Variants in IQGAP3 observed in about 807,000 individuals in gnomAD.
IQGAP3 encodes ras GTPase-activating-like protein IQGAP3.
A neutral mutation model predicts 208.2 loss-of-function variants in IQGAP3; 165 were observed. The observed-to-expected ratio is 0.79, with a 90% CI of 0.70 to 0.90. The LOEUF is 0.90. Ranked by LOEUF, IQGAP3 falls within the 40% of genes least tolerant of loss-of-function variation. The probability of loss-of-function intolerance (pLI) is 0.00; values close to 1 mark genes in which losing one functional copy is unlikely to be tolerated. For missense variants in IQGAP3, 1,811 were observed against 2,043.1 expected (o/e 0.89, Z 2.19); for synonymous variants, 703 against 803.6 (o/e 0.87, Z 2.12).
Position 156,566,009 on chromosome 1 carries a change from C to T in IQGAP3, c.360+18G>A. 6.3e-7 allele frequency: 1 copy of T among 1,595,742 alleles called. No individual in the cohort carries two copies. The highest frequency in any genetic ancestry group is 8.6e-7 in the Non-Finnish European group (1 of 1,163,328). On this transcript the variant is annotated intron_variant, in intron 4 of 37. Transcript: ENST00000361170. ...GTAAGGAGTAAAGATGAATACCAAT[C>T]TTCAGGCCCAGTATTACCGAAGGCA...
At chr1:156,563,736 C>T (rs773925558) in intron 6 of IQGAP3, 21 bp downstream of exon 6, 2 of 1,612,574 alleles carry the variant, frequency 1.2e-6, no homozygotes, top group African/African-American at 1.3e-5. Flanking sequence ...CTGTGGTGGT[C>T]AGGGAAGGAG....
chr1:156,539,573 T>C, intron 24 of IQGAP3, 36 bp from the exon 25 acceptor site: 1 of 1,608,108 alleles, frequency 6.2e-7, no homozygotes, highest in Non-Finnish European at 8.5e-7. Context: ...TGGCTGACCA[T>C]GCACTTCAAG....
At position 156,533,793 on chromosome 1, in the gene IQGAP3, G is replaced by A; in HGVS notation, c.3956C>T (p.Pro1319Leu). The A allele has an allele frequency of 1.2e-6, 2 of 1,613,668 alleles. No individual in the cohort carries two copies. The highest frequency in any genetic ancestry group is 1.7e-6 in the Non-Finnish European group (2 of 1,179,868). The change falls in exon 31 of 38, where the codon CCC becomes CTC. Residue 1319 changes from proline (P) to leucine (L), a missense_variant. By Grantham distance (98) the Pro-to-Leu change is moderately conservative. Transcript: ENST00000361170. Reference protein sequence around the residue: ...HELLEDLGELPTIPDLIGESI... With the variant: ...HELLEDLGELLTIPDLIGESI... ...CGTACCAATAAGGTCAGGGATGGTG[G>A]GCAGCTCCCCAAGATCCTCCAGGAG... is the stretch of plus-strand genomic sequence containing the variant.
chr1:156,556,411 C>T (rs1388777032), intron 12 of IQGAP3, 122 bp downstream of exon 12: 2 of 876,870 alleles, frequency 2.3e-6, no homozygotes, highest in Non-Finnish European at 3.6e-6. Flanking sequence ...TAGCTCTTTC[C>T]CCATCCTAAT....
At chr1:156,542,188 T>A (rs1675018643) in intron 22 of IQGAP3, among the ~76,000 whole-genome samples, 1 of 152,148 alleles carries the variant, frequency 6.6e-6, no homozygotes, top group South Asian at 2.1e-4. Flanking sequence ...GGGGAACAAA[T>A]CTTTTTTTAT....
chr1:156,534,002 C>T lies in IQGAP3; in HGVS notation c.3873+7G>A, dbSNP rs188738441. The T allele has an allele frequency of 8.7e-5, 140 of 1,613,574 alleles. No homozygotes were observed. The East Asian group carries it at 2.8e-3, about 33-fold the overall frequency. On this transcript the variant is annotated splice_region_variant and intron_variant, in intron 30 of 37. Transcript: ENST00000361170. ...CAGCCAACACCCTCCAGATCTCAGC[C>T]CCTCACCCTGTGCGTGTTGACCAGC...
chr1:156,527,446 C>T (rs1029392245), intron 37 of IQGAP3, among the ~76,000 whole-genome samples: 1 of 152,052 alleles, frequency 6.6e-6, no homozygotes, highest in Admixed American at 6.6e-5. Context: ...CCATTGCACT[C>T]CAGCCTGGGT....
intron 16 of IQGAP3, among the ~76,000 whole-genome samples, chr1:156,549,774 C>T (rs984105503): frequency 6.6e-6 from 1 of 152,120 alleles, no homozygotes; most frequent in Non-Finnish European, 1.5e-5. Flanking sequence ...ACAGGGAGAC[C>T]CCAGCCACTG....
chr1:156,563,450 T>C (rs939084521), intron 7 of IQGAP3, 103 bp downstream of exon 7: 7 of 1,321,936 alleles, frequency 5.3e-6, no homozygotes, highest in Admixed American at 2.3e-5. Context: ...GATGGCCCTA[T>C]CTGTGGATGA....
Position 156,538,689 on chromosome 1 carries a change from A to C in IQGAP3, c.3281+120T>G. ...AGCTGGTGTCATATTTGCATAGATC[A>C]GCATGCCCATTTATATGCCACCTTC... is the stretch of plus-strand genomic sequence containing the variant. On this transcript the variant is annotated intron_variant, in intron 26 of 37. Transcript: ENST00000361170. 9.5e-6 allele frequency: 7 copies of C among 739,506 alleles called. No individual in the cohort carries two copies. In the South Asian group the frequency reaches 9.8e-5, roughly 10 times the overall value. The allele number at this position is 739,506 out of a possible 1,614,324, so 45.8% of individuals were successfully genotyped here.
rs370116986 is a variant in IQGAP3 at position 156,539,052 on chromosome 1, T to C, written c.3057-19A>G. ...CTTTGACCTGTGGTTTAAGAGGTCA[T>C]TGAAACCAGTCTTCTGCCTCTGTGT... On this transcript the variant is annotated intron_variant, in intron 25 of 37. Transcript: ENST00000361170. 31 of 1,596,908 alleles carry C rather than the reference T, an allele frequency of 1.9e-5. No homozygotes were observed. Among genetic ancestry groups the C allele is most frequent in the Non-Finnish European group, 2.7e-5 (31 of 1,166,500 alleles).
rs1676172191 is a variant in IQGAP3 at position 156,561,937 on chromosome 1, C to A, written c.942G>T (p.Lys314Asn). Residue 314 changes from lysine (K) to asparagine (N), a missense_variant, in exon 10 of 38, where the codon AAG becomes AAT. By Grantham distance (94) the Lys-to-Asn change is moderately conservative (BLOSUM62 0). Coordinates refer to ENST00000361170, the MANE Select transcript of IQGAP3 (RefSeq NM_178229.5). ...LERQSPEALL[K>N]ALQDPALALR... ...GGGCCAGGGCAGGGTCTTGAAGGGCCTTGAGCAAGGCTTCAGGGCTCTGTC... is the reference window on the plus strand; with the variant it reads ...GGGCCAGGGCAGGGTCTTGAAGGGCATTGAGCAAGGCTTCAGGGCTCTGTC... 1 of 1,613,840 alleles carries A rather than the reference C, an allele frequency of 6.2e-7. No homozygotes were observed. Among genetic ancestry groups the A allele is most frequent in the African/African-American group, 1.3e-5 (1 of 74,850 alleles).
At chr1:156,572,067 C>T (rs1676668699) in intron 1 of IQGAP3, among the ~76,000 whole-genome samples, 2 of 152,182 alleles carry the variant, frequency 1.3e-5, no homozygotes, top group African/African-American at 4.8e-5. Flanking sequence ...GGTAATTTCA[C>T]CCCCTGTTTG....
In IQGAP3 at chr1:156,526,447, G is replaced by A; in HGVS notation, c.*39C>T. The A allele has an allele frequency of 7.9e-7, 1 of 1,273,282 alleles. No individual in the cohort carries two copies. Among genetic ancestry groups the A allele is most frequent in the Non-Finnish European group, 1.1e-6 (1 of 869,710 alleles). The allele number at this position is 1,273,282 out of a possible 1,614,324, so 78.9% of individuals were successfully genotyped here. On this transcript the variant is annotated 3_prime_UTR_variant, in exon 38 of 38. Transcript: ENST00000361170. ...GAGTTAGTGTTAAAGAAAGCATCCAGAGAGGTAAGAGGGGCTTGGGTAGCA... is the reference window on the plus strand; with the variant it reads ...GAGTTAGTGTTAAAGAAAGCATCCAAAGAGGTAAGAGGGGCTTGGGTAGCA...
chr1:156,566,687 C>T lies in IQGAP3; in HGVS notation c.126-141G>A, dbSNP rs1044459836. The T allele has an allele frequency of 8.9e-6, 7 of 789,244 alleles. No homozygotes were observed. In the South Asian group the frequency reaches 1.2e-4, roughly 14 times the overall value. The allele number at this position is 789,244 out of a possible 1,614,324, so 48.9% of individuals were successfully genotyped here. On this transcript the variant is annotated intron_variant, in intron 2 of 37. Coordinates refer to ENST00000361170, the MANE Select transcript of IQGAP3 (RefSeq NM_178229.5). Reference sequence around the variant, plus strand: ...CTGTTCCTGCTCTACCTCCAACTCCCTTCTCTGCCCATTGCCTGGCTGTTC... The same window carrying T: ...CTGTTCCTGCTCTACCTCCAACTCCTTTCTCTGCCCATTGCCTGGCTGTTC...
At chr1:156,572,344 G>T in intron 1 of IQGAP3, 149 bp downstream of exon 1, 1 of 845,306 alleles carries the variant, frequency 1.2e-6, no homozygotes, top group Non-Finnish European at 2.0e-6. Flanking sequence ...ACGGCGCCCG[G>T]GCTGAGGATT....
chr1:156,527,997 G>A lies in IQGAP3; in HGVS notation c.4737C>T (p.Ala1579=). The change falls in exon 37 of 38, where the codon GCC becomes GCT. Residue 1579 remains alanine (A), a synonymous_variant. Transcript: ENST00000361170. ...GCTCCATGTCCACACCCAGGAACTT[G>A]GCATTTACTTCAAACTTTCCTGCCT... ...GDEAGKFEVN[A]KFLGVDMERF... 1 of 1,614,086 alleles carries A rather than the reference G, an allele frequency of 6.2e-7. No homozygotes were observed. Among genetic ancestry groups the A allele is most frequent in the Non-Finnish European group, 8.5e-7 (1 of 1,179,954 alleles).
chr1:156,552,104 G>A lies in IQGAP3; in HGVS notation c.1449-9C>T, dbSNP rs566456282. 1 of 1,613,538 alleles carries A rather than the reference G, an allele frequency of 6.2e-7. No homozygotes were observed. Among genetic ancestry groups the A allele is most frequent in the Non-Finnish European group, 8.5e-7 (1 of 1,179,692 alleles). Reference sequence around the variant, plus strand: ...GCAGGGCATCGAAGTAACTGGCAGTGGGGTGAAGGGCAGAGAGGTGAGTAG... The same window carrying A: ...GCAGGGCATCGAAGTAACTGGCAGTAGGGTGAAGGGCAGAGAGGTGAGTAG... On this transcript the variant is annotated splice_polypyrimidine_tract_variant and intron_variant, in intron 13 of 37. Transcript: ENST00000361170.
chr1:156,547,989 T>C lies in IQGAP3; in HGVS notation c.2304+84A>G, dbSNP rs183127750. 1.8e-4 allele frequency: 217 copies of C among 1,239,098 alleles called. 1 individual carries two copies. In the South Asian group the frequency reaches 2.2e-3, roughly 13 times the overall value. 76.8% of individuals were successfully genotyped at this position (1,239,098 alleles called of 1,614,324 possible). A position where few individuals can be genotyped will look rare whatever the true frequency, so the allele number is the denominator to read the frequency against. ...TTCAGAGGCCGAAAGGTCATTCCCATGTCAGTAAAAAGGAAGCAGCGTGGA... is the reference window on the plus strand; with the variant it reads ...TTCAGAGGCCGAAAGGTCATTCCCACGTCAGTAAAAAGGAAGCAGCGTGGA... On this transcript the variant is annotated intron_variant, in intron 19 of 37. Coordinates refer to ENST00000361170, the MANE Select transcript of IQGAP3 (RefSeq NM_178229.5).
Sources: allele counts gnomAD v4.1 joint callset (sites outside exome capture counted in the v4.1 genomes callset), GRCh38; gene constraint gnomAD v4.1.1; transcripts MANE v1.5; gene names NCBI Gene and HGNC (gene_info 2026-07-23, HGNC 2026-07-21).